ARHGEF12: variants seen among roughly 807,000 people sequenced by gnomAD.
ARHGEF12 encodes the protein Rho guanine nucleotide exchange factor 12.
ARHGEF12 carries 66 observed loss-of-function variants against 211.2 expected under a neutral mutation model. The ratio of observed to expected loss-of-function variants is 0.31; its 90% CI spans 0.26 to 0.38. The LOEUF (loss-of-function observed/expected upper bound fraction) is 0.38, where lower values mean the gene tolerates loss of function less well. Among genes scored for constraint, ARHGEF12 ranks in the 10% least tolerant of loss-of-function variants. The probability of loss-of-function intolerance (pLI) is 1.00; values close to 1 mark genes in which losing one functional copy is unlikely to be tolerated. For missense variants in ARHGEF12, 1,429 were observed against 1,869.5 expected (o/e 0.76, Z 4.34); for synonymous variants, 592 against 638.4 (o/e 0.93, Z 1.09).
chr11:120,415,507 A>G (rs1335966444), intron 4 of ARHGEF12, among the ~76,000 whole-genome samples: 2 of 152,220 alleles, frequency 1.3e-5, no homozygotes, highest in Non-Finnish European at 2.9e-5. Flanking sequence ...GGATAGTACA[A>G]AGATATGATA....
intron 4 of ARHGEF12, among the ~76,000 whole-genome samples, chr11:120,416,299 A>G (rs558496487): frequency 2.0e-5 from 3 of 152,292 alleles, no homozygotes; most frequent in South Asian, 4.1e-4. Flanking sequence ...CCCAGAATAC[A>G]TGCAAGGTTC....
At chr11:120,455,770 C>T (rs923335196) in intron 22 of ARHGEF12, among the ~76,000 whole-genome samples, 1 of 152,118 alleles carries the variant, frequency 6.6e-6, no homozygotes, top group Non-Finnish European at 1.5e-5. Context: ...GGATTTTAGG[C>T]AGTGGATAGT....
At chr11:120,399,609 A>G (rs1340286765) in intron 1 of ARHGEF12, among the ~76,000 whole-genome samples, 1 of 152,112 alleles carries the variant, frequency 6.6e-6, no homozygotes, top group East Asian at 1.9e-4. Context: ...TGGGGTTAGT[A>G]TAGTTTTGGT....
At chr11:120,337,333 G>A (rs1942381323) in intron 1 of ARHGEF12, 58 bp downstream of exon 1, 3 of 1,611,654 alleles carry the variant, frequency 1.9e-6, no homozygotes, top group Non-Finnish European at 2.5e-6. Flanking sequence ...CCTAGCAGGG[G>A]AGTCGGTGAT....
rs1244522111 is a variant in ARHGEF12 at position 120,439,914 on chromosome 11, A to T, written c.1000-215A>T. The T allele has an allele frequency of 2.3e-5, 11 of 484,432 alleles. No homozygotes were observed. In the East Asian group the frequency reaches 3.4e-4, roughly 15 times the overall value. 30.0% of individuals were successfully genotyped at this position (484,432 alleles called of 1,614,324 possible). A position where few individuals can be genotyped will look rare whatever the true frequency, so the allele number is the denominator to read the frequency against. On this transcript the variant is annotated intron_variant, in intron 12 of 40. Transcript: ENST00000397843. ...GGGAGTGGTTTTTTCCCCCCAAAAA[A>T]AACTCGTTGTTGTGGTCTTTTTCTC...
intron 7 of ARHGEF12, among the ~76,000 whole-genome samples, chr11:120,425,351 T>TG (rs1236698560): frequency 1.3e-5 from 2 of 151,970 alleles, no homozygotes; most frequent in South Asian, 2.1e-4. Context: ...TTTTTTTTTT[T>TG]TTTTGTTTGT....
intron 1 of ARHGEF12, among the ~76,000 whole-genome samples, chr11:120,354,078 G>C (rs1943067042): frequency 6.6e-6 from 1 of 152,078 alleles, no homozygotes; most frequent in African/African-American, 2.4e-5. Flanking sequence ...CAGAGACTAG[G>C]GGTGCAGTGG....
intron 11 of ARHGEF12, among the ~76,000 whole-genome samples, chr11:120,436,024 C>T (rs1369454375): frequency 1.3e-5 from 2 of 152,146 alleles, no homozygotes; most frequent in South Asian, 2.1e-4. Context: ...AGGGTAAATA[C>T]TTCTCTTGAT....
chr11:120,469,617 T>C (rs1381968153), intron 30 of ARHGEF12, among the ~76,000 whole-genome samples: 2 of 152,234 alleles, frequency 1.3e-5, no homozygotes, highest in Non-Finnish European at 2.9e-5. Flanking sequence ...TTCATTTATC[T>C]CTTCATTCAG....
rs116659715 is a variant in ARHGEF12, at chr11:120,487,300, G to T, written c.*2223G>T. 2.4e-3 allele frequency: 528 copies of T among 219,542 alleles called. 6 individuals carry two copies. Among genetic ancestry groups the T allele is most frequent in the African/African-American group, 0.011 (502 of 44,650 alleles). 13.6% of individuals were successfully genotyped at this position (219,542 alleles called of 1,614,324 possible). On this transcript the variant is annotated 3_prime_UTR_variant, in exon 41 of 41. Transcript: ENST00000397843. ...CAATTTCTCCTTGGAACTCTAACAG[G>T]ACTAACTGGAAAAATACTTTGACCA...
intron 1 of ARHGEF12, among the ~76,000 whole-genome samples, chr11:120,375,658 C>T (rs1943704629): frequency 6.6e-6 from 1 of 151,700 alleles, no homozygotes; most frequent in Admixed American, 6.6e-5. Context: ...CTCAGAGTCC[C>T]CTATTATTAA....
chr11:120,371,080 G>A (rs536752246), intron 1 of ARHGEF12, among the ~76,000 whole-genome samples: 44 of 152,302 alleles, frequency 2.9e-4, no homozygotes, highest in African/African-American at 1.0e-3. Context: ...ACAGAATCAA[G>A]TGAGATATGT....
chr11:120,387,588 C>A (rs763581980), intron 1 of ARHGEF12, among the ~76,000 whole-genome samples: 2 of 152,054 alleles, frequency 1.3e-5, no homozygotes, highest in African/African-American at 2.4e-5. Flanking sequence ...AGAACACCTA[C>A]GAAACAATCA....
chr11:120,368,814 A>G (rs952017020), intron 1 of ARHGEF12, among the ~76,000 whole-genome samples: 4 of 152,070 alleles, frequency 2.6e-5, no homozygotes, highest in African/African-American at 9.7e-5. Context: ...GGTTTGTTGT[A>G]CAGATTATTT....
In ARHGEF12 at chr11:120,477,536, T is replaced by C; in HGVS notation, c.3532+10T>C. Reference sequence around the variant, plus strand: ...GGTTTGCAGAGTCCAGGTACACTCTTCTGAAGAGTTCAATGGAGAATGTGC... The same window carrying C: ...GGTTTGCAGAGTCCAGGTACACTCTCCTGAAGAGTTCAATGGAGAATGTGC... On this transcript the variant is annotated intron_variant, in intron 36 of 40. Transcript: ENST00000397843. 2.5e-6 allele frequency: 4 copies of C among 1,608,380 alleles called. No individual in the cohort carries two copies. Among genetic ancestry groups the C allele is most frequent in the Non-Finnish European group, 3.4e-6 (4 of 1,177,292 alleles).
Position 120,428,203 on chromosome 11 carries a change from G to C in ARHGEF12, c.541G>C (p.Ala181Pro), listed in dbSNP as rs1945411629. 1.2e-6 allele frequency: 2 copies of C among 1,611,098 alleles called. No homozygotes were observed. The highest frequency in any genetic ancestry group is 1.3e-5 in the African/African-American group (1 of 75,010). ...PIMTSPHSPG[A>P]SGNMERITSP... The stretch of plus-strand genomic sequence containing the variant: ...CATGACATCTCCTCATTCACCTGGA[G>C]CATCTGGGAATATGGAGAGAATCAC... Residue 181 changes from alanine to proline, a missense_variant, in exon 8 of 41, where the codon GCA becomes CCA. Ala to Pro is a conservative substitution (Grantham distance 27, BLOSUM62 -1). Transcript: ENST00000397843.
chr11:120,379,960 T>C (rs908307806), intron 1 of ARHGEF12, among the ~76,000 whole-genome samples: 5 of 152,236 alleles, frequency 3.3e-5, no homozygotes, highest in African/African-American at 1.2e-4. Context: ...TGAGACAGTG[T>C]TGGCCTCAGA....
chr11:120,460,640 T>C, intron 26 of ARHGEF12, 32 bp from the exon 27 acceptor site: 1 of 1,582,058 alleles, frequency 6.3e-7, no homozygotes, highest in Non-Finnish European at 8.7e-7. Flanking sequence ...ACTGAATGTG[T>C]TACTAACGTT....
At chr11:120,372,999 C>T (rs1296711193) in intron 1 of ARHGEF12, among the ~76,000 whole-genome samples, 1 of 149,122 alleles carries the variant, frequency 6.7e-6, no homozygotes, top group East Asian at 1.9e-4. Context: ...TCCGTATTAC[C>T]AGTATAATCT....
Sources: allele counts gnomAD v4.1 joint callset (sites outside exome capture counted in the v4.1 genomes callset), GRCh38; gene constraint gnomAD v4.1.1; transcripts MANE v1.5; gene names NCBI Gene and HGNC (gene_info 2026-07-23, HGNC 2026-07-21).